Variants in MTA3 observed in about 807,000 individuals in gnomAD.
MTA3 encodes metastasis-associated protein MTA3.
In MTA3, 34 loss-of-function variants were observed where a neutral mutation model predicts 83.5. The observed-to-expected ratio is 0.41, with a 90% confidence interval of 0.31 to 0.54. MTA3 has a LOEUF of 0.54. MTA3 is among the 20% of genes least tolerant of loss of function. The pLI is 0.33. For synonymous variants in MTA3, 303 were observed against 252.7 expected (o/e 1.20, Z -1.89); for missense variants, 761 against 726.4 (o/e 1.05, Z -0.55).
At chr2:42,664,770 G>A (rs1011625242) in intron 8 of MTA3, among the ~76,000 whole-genome samples, 3 of 152,142 alleles carry the variant, frequency 2.0e-5, no homozygotes, top group Non-Finnish European at 4.4e-5. Flanking sequence ...AAACCTGATA[G>A]CCCTTCCTAA....
At position 42,755,990 on chromosome 2, in the gene MTA3, A is replaced by C. The variant is rs1670212898; in HGVS notation, c.*2591A>C. 3.0e-6 allele frequency: 3 copies of C among 985,514 alleles called. No individual in the cohort carries two copies. The highest frequency in any genetic ancestry group is 3.6e-6 in the Non-Finnish European group (3 of 829,992). 61.0% of individuals were successfully genotyped at this position (985,514 alleles called of 1,614,324 possible). A position where few individuals can be genotyped will look rare whatever the true frequency, so the allele number is the denominator to read the frequency against. On this transcript the variant is annotated 3_prime_UTR_variant, in exon 17 of 17. Coordinates refer to ENST00000405094, the MANE Select transcript of MTA3 (RefSeq NM_001330442.2). ...CTGCCCTTCACAATTCCCCTTGTGC[A>C]CAGCCCAGTTTCCATCTCTCAGGGC...
intron 3 of MTA3, among the ~76,000 whole-genome samples, chr2:42,606,843 C>T (rs920771300): frequency 6.7e-6 from 1 of 149,060 alleles, no homozygotes; most frequent in African/African-American, 2.5e-5. Context: ...CTCGGGAGGC[C>T]GAGGTTGGCG....
In MTA3 at chr2:42,723,048, A is replaced by G. The variant is rs1225370299; in HGVS notation, c.1759+13A>G. On this transcript the variant is annotated intron_variant, in intron 16 of 16. Coordinates refer to ENST00000405094, the MANE Select transcript of MTA3 (RefSeq NM_001330442.2). ...AATGGTCTGGATGGTATGTAAGCCCAGGAATTCTGGAGGCTGTTCTGATAG... is the reference window on the plus strand; with the variant it reads ...AATGGTCTGGATGGTATGTAAGCCCGGGAATTCTGGAGGCTGTTCTGATAG... The G allele has an allele frequency of 2.6e-6, 4 of 1,549,960 alleles. No homozygotes were observed. Among genetic ancestry groups the G allele is most frequent in the Non-Finnish European group, 3.5e-6 (4 of 1,146,626 alleles).
chr2:42,521,929 A>G (rs1675447027), intron 2 of MTA3, among the ~76,000 whole-genome samples: 1 of 151,576 alleles, frequency 6.6e-6, no homozygotes, highest in South Asian at 2.1e-4. Context: ...TAATTTTTGT[A>G]TTTTTGTAGA....
At chr2:42,667,639 G>T (rs78223746) in intron 8 of MTA3, among the ~76,000 whole-genome samples, 4 of 146,628 alleles carry the variant, frequency 2.7e-5, no homozygotes, top group African/African-American at 7.5e-5. Context: ...GAGAGAGAGA[G>T]AGAGAGAGAG....
intron 6 of MTA3, among the ~76,000 whole-genome samples, chr2:42,651,787 G>A (rs1315838013): frequency 2.0e-5 from 3 of 150,686 alleles, no homozygotes; most frequent in African/African-American, 4.9e-5. Context: ...GTGACAGAGC[G>A]AGACCTTGTC....
Position 42,557,787 on chromosome 2 carries a change from T to G in MTA3, c.-140-12650T>G, listed in dbSNP as rs560136900. Among the ~76,000 whole-genome samples, 115 of 152,288 alleles carry G rather than the reference T, an allele frequency of 7.6e-4. 1 individual carries two copies. The highest frequency in any genetic ancestry group is 2.7e-3 in the African/African-American group (111 of 41,566). On this transcript the variant is annotated intron_variant, in intron 2 of 17. Transcript: ENST00000405592. ...CCTCTGTCTCTTATAGAAAGGGCAG[T>G]AGCTACAAACCTACAGATAAAGATA...
chr2:42,583,799 A>G (rs1226983544), intron 3 of MTA3, among the ~76,000 whole-genome samples: 1 of 151,368 alleles, frequency 6.6e-6, no homozygotes, highest in Non-Finnish European at 1.5e-5. Context: ...CCAAAGTGCC[A>G]TGATTGCAGG....
At chr2:42,597,828 G>A (rs1323892327) in intron 3 of MTA3, among the ~76,000 whole-genome samples, 1 of 150,038 alleles carries the variant, frequency 6.7e-6, no homozygotes, top group African/African-American at 2.5e-5. Flanking sequence ...CTACAGTTGT[G>A]TGTCATCGTG....
intron 3 of MTA3, among the ~76,000 whole-genome samples, chr2:42,592,704 C>G (rs1364592101): frequency 6.6e-6 from 1 of 152,202 alleles, no homozygotes; most frequent in Non-Finnish European, 1.5e-5. Context: ...CAGTCCACAT[C>G]TTGTCCCACT....
chr2:42,522,372 T>A (rs1314881806), intron 2 of MTA3, among the ~76,000 whole-genome samples: 1 of 152,176 alleles, frequency 6.6e-6, no homozygotes, highest in Non-Finnish European at 1.5e-5. Flanking sequence ...GCTCTTGCTA[T>A]GAGGCTTGCT....
Position 42,502,262 on chromosome 2 carries a change from G to A in MTA3, c.-141+7008G>A, listed in dbSNP as rs1480149642. Among the ~76,000 whole-genome samples, 6 of 152,090 alleles carry A rather than the reference G, an allele frequency of 3.9e-5. No homozygotes were observed. The East Asian group carries it at 1.2e-3, about 29-fold the overall frequency. ...TTGGGATCAGCAAAAAAGAACGTTG[G>A]CTCTGGCCTGCAAGTGTGACCTCCT... is the stretch of plus-strand genomic sequence containing the variant. On this transcript the variant is annotated intron_variant, in intron 2 of 17. Coordinates refer to the MTA3 transcript ENST00000405592.
intron 2 of MTA3, among the ~76,000 whole-genome samples, chr2:42,537,739 T>C (rs1676314020): frequency 6.6e-6 from 1 of 152,180 alleles, no homozygotes. Context: ...AGGGACATTA[T>C]TCAGGAAATT....
At chr2:42,718,546 C>G (rs1042080550) in intron 14 of MTA3, among the ~76,000 whole-genome samples, 1 of 151,506 alleles carries the variant, frequency 6.6e-6, no homozygotes, top group Non-Finnish European at 1.5e-5. Context: ...GGGCAGAACA[C>G]AAGATTAGGA....
chr2:42,594,548 T>G (rs1681457552), intron 3 of MTA3, among the ~76,000 whole-genome samples: 1 of 149,202 alleles, frequency 6.7e-6, no homozygotes, highest in Non-Finnish European at 1.5e-5. Context: ...TAGGATTAAA[T>G]TTTTTAATCT....
intron 14 of MTA3, among the ~76,000 whole-genome samples, chr2:42,713,983 G>A (rs1411727618): frequency 2.0e-5 from 3 of 152,148 alleles, no homozygotes; most frequent in African/African-American, 4.8e-5. Context: ...TTGAATTTTG[G>A]TGTAGTTTTA....
intron 3 of MTA3, among the ~76,000 whole-genome samples, chr2:42,587,726 C>T (rs576795945): frequency 1.7e-4 from 26 of 152,086 alleles, no homozygotes; most frequent in Admixed American, 4.6e-4. Flanking sequence ...TTCAGCCACC[C>T]GAGTAGCTGG....
chr2:42,597,552 A>G (rs895930993), intron 3 of MTA3, among the ~76,000 whole-genome samples: 1 of 149,172 alleles, frequency 6.7e-6, no homozygotes, highest in Non-Finnish European at 1.5e-5. Context: ...CGCCCAGCTA[A>G]TTTTTGTATT....
chr2:42,502,540 T>C (rs1005799469), intron 2 of MTA3, among the ~76,000 whole-genome samples: 8 of 152,106 alleles, frequency 5.3e-5, no homozygotes, highest in African/African-American at 1.7e-4. Flanking sequence ...GGCTCATGCC[T>C]GTACTCCCAG....
Sources: gnomAD v4.1 joint callset for allele counts (sites outside exome capture counted in the v4.1 genomes callset) on GRCh38, gnomAD v4.1.1 for gene constraint, MANE v1.5 for transcripts, NCBI Gene and HGNC (gene_info 2026-07-23, HGNC 2026-07-21) for gene names.